The following KIF16B variants were observed in gnomAD, a reference collection of about 807,000 sequenced individuals.
KIF16B encodes the protein kinesin family member 16B.
In KIF16B, 98 loss-of-function variants were observed where a neutral mutation model predicts 156.3. The ratio of observed to expected loss-of-function variants is 0.63; its 90% CI spans 0.53 to 0.74. KIF16B has a LOEUF of 0.74. KIF16B is among the 30% of genes least tolerant of loss of function. The pLI is 0.00. For missense variants in KIF16B, 1,421 were observed against 1,606.5 expected, an observed-to-expected ratio of 0.88 and a Z score of 1.97; for synonymous variants, 564 against 583.7, an observed-to-expected ratio of 0.97 and a Z score of 0.49.
chr20:16,359,835 G>A (rs1331344893), intron 22 of KIF16B, among the ~76,000 whole-genome samples: 1 of 152,094 alleles, frequency 6.6e-6, no homozygotes, highest in Non-Finnish European at 1.5e-5. Context: ...CTGGATATAA[G>A]AGCTACTGTC....
intron 15 of KIF16B, among the ~76,000 whole-genome samples, chr20:16,409,997 G>GTACATATATATATGTACC (rs2065890384): frequency 2.7e-5 from 2 of 75,396 alleles, no homozygotes; most frequent in African/African-American, 1.3e-4. Flanking sequence ...ATATATGTAG[G>GTACATATATATATGTACC]TACATATATA....
intron 22 of KIF16B, chr20:16,369,176 C>A: frequency 1.0e-6 from 1 of 985,826 alleles, no homozygotes; most frequent in Non-Finnish European, 1.2e-6. Context: ...TGATCCACCT[C>A]CCTCCTCTCC....
At chr20:16,343,395 G>GA (rs1166690584) in intron 23 of KIF16B, among the ~76,000 whole-genome samples, 7 of 152,174 alleles carry the variant, frequency 4.6e-5, no homozygotes, top group African/African-American at 1.4e-4. Flanking sequence ...GTAAAGAGGA[G>GA]AATCAACAGT....
chr20:16,506,200 A>C lies in KIF16B; in HGVS notation c.700-10T>G. The C allele has an allele frequency of 6.2e-7, 1 of 1,613,352 alleles. No homozygotes were observed. Among genetic ancestry groups the C allele is most frequent in the Non-Finnish European group, 8.5e-7 (1 of 1,179,304 alleles). On this transcript the variant is annotated splice_polypyrimidine_tract_variant and intron_variant, in intron 7 of 25. Coordinates refer to ENST00000354981, the MANE Select transcript of KIF16B (RefSeq NM_024704.5). ...CAGAATCAAATTTAGCCTGTGGTAA[A>C]ATAAAAAAGTAAAATTGAAGAGGTG...
At chr20:16,478,933 C>T (rs2067897429) in intron 12 of KIF16B, among the ~76,000 whole-genome samples, 1 of 152,134 alleles carries the variant, frequency 6.6e-6, no homozygotes, top group Admixed American at 6.5e-5. Flanking sequence ...ACTCAATAAC[C>T]CAGCAATTCT....
chr20:16,327,525 A>C (rs983585969), intron 24 of KIF16B, among the ~76,000 whole-genome samples: 1 of 152,120 alleles, frequency 6.6e-6, no homozygotes. Context: ...GGTCCAGAGA[A>C]CATCCTATGG....
In KIF16B at chr20:16,417,929, G is replaced by A. The variant is rs527570552; in HGVS notation, c.1612+9175C>T. Among the ~76,000 whole-genome samples, 20 of 152,064 alleles carry A rather than the reference G, an allele frequency of 1.3e-4. 1 individual carries two copies. Among genetic ancestry groups the A allele is most frequent in the Non-Finnish European group, 2.2e-4 (15 of 67,990 alleles). Reference sequence around the variant, plus strand: ...ATCTAACTTTTGTGTAATTGTAGTCGCAGAAGGAGAGGGGAAAGAGTATAG... The same window carrying A: ...ATCTAACTTTTGTGTAATTGTAGTCACAGAAGGAGAGGGGAAAGAGTATAG... On this transcript the variant is annotated intron_variant, in intron 15 of 25. Coordinates refer to ENST00000354981, the MANE Select transcript of KIF16B (RefSeq NM_024704.5).
chr20:16,568,777 G>A (rs1299316768), intron 1 of KIF16B, among the ~76,000 whole-genome samples: 3 of 130,828 alleles, frequency 2.3e-5, no homozygotes, highest in Non-Finnish European at 4.6e-5. Flanking sequence ...ACGACTCTGC[G>A]CCACTGCACT....
At chr20:16,517,124 C>T (rs911825077) in intron 3 of KIF16B, among the ~76,000 whole-genome samples, 117 of 152,342 alleles carry the variant, frequency 7.7e-4, no homozygotes, top group African/African-American at 2.7e-3. Context: ...GCTGATAACA[C>T]AGCCTGTCAT....
Position 16,404,833 on chromosome 20 carries a change from T to G in KIF16B, c.1764A>C (p.Ala588=), listed in dbSNP as rs1176541363. Residue 588 remains alanine, a synonymous_variant, in exon 17 of 26, where the codon GCA becomes GCC. Coordinates refer to ENST00000354981, the MANE Select transcript of KIF16B (RefSeq NM_024704.5). ...CTCACCCGGGGTTATACAACATGAC[T>G]GCAGACAGGTTCTCACGGGACTTCG... The part of the protein sequence containing the change: ...DLSKSRENLS[A]VMLYNPGLEF... 1 of 1,613,232 alleles carries G rather than the reference T, an allele frequency of 6.2e-7. No individual in the cohort carries two copies. Among genetic ancestry groups the G allele is most frequent in the South Asian group, 1.1e-5 (1 of 91,042 alleles).
At chr20:16,360,311 T>A (rs533956449) in intron 22 of KIF16B, among the ~76,000 whole-genome samples, 1 of 152,322 alleles carries the variant, frequency 6.6e-6, no homozygotes, top group South Asian at 2.1e-4. Flanking sequence ...ATATTTTGAG[T>A]ATGTTGAGGT....
chr20:16,524,554 AG>A (rs2069468038), intron 3 of KIF16B, among the ~76,000 whole-genome samples: 1 of 152,220 alleles, frequency 6.6e-6, no homozygotes, highest in African/African-American at 2.4e-5. Flanking sequence ...GTGGAGAAAT[AG>A]GAACGCTTTT....
chr20:16,282,193 G>C (rs1375425341), intron 25 of KIF16B, among the ~76,000 whole-genome samples: 2 of 151,890 alleles, frequency 1.3e-5, no homozygotes, highest in Admixed American at 6.6e-5. Context: ...CACCATGCCT[G>C]GCTAATTTTT....
intron 24 of KIF16B, among the ~76,000 whole-genome samples, chr20:16,328,776 G>A (rs767240020): frequency 6.6e-6 from 1 of 152,144 alleles, no homozygotes; most frequent in Non-Finnish European, 1.5e-5. Flanking sequence ...CTGAGGTCTT[G>A]TTCTCCACAG....
intron 1 of KIF16B, among the ~76,000 whole-genome samples, chr20:16,554,428 C>G (rs998931102): frequency 6.6e-6 from 1 of 152,220 alleles, no homozygotes; most frequent in Admixed American, 6.5e-5. Context: ...GGTCTCCTCT[C>G]TGCTGAGCGC....
chr20:16,483,224 T>C (rs539350065), intron 12 of KIF16B, among the ~76,000 whole-genome samples: 271 of 152,268 alleles, frequency 1.8e-3, no homozygotes, highest in Admixed American at 4.6e-3. Context: ...CCAAGGAGAA[T>C]CCTGGTGAGC....
chr20:16,553,190 T>C (rs1176892356), intron 1 of KIF16B, among the ~76,000 whole-genome samples: 1 of 152,194 alleles, frequency 6.6e-6, no homozygotes, highest in Non-Finnish European at 1.5e-5. Context: ...GGGGTCTCTG[T>C]ACGCTTTCTG....
At chr20:16,277,598 CCT>C in intron 25 of KIF16B, among the ~76,000 whole-genome samples, 1 of 152,030 alleles carries the variant, frequency 6.6e-6, no homozygotes, top group African/African-American at 2.4e-5. Context: ...TTAAAATCCC[CCT>C]GTCAAAGCTA....
intron 1 of KIF16B, among the ~76,000 whole-genome samples, chr20:16,548,475 C>G (rs529642719): frequency 6.6e-6 from 1 of 152,202 alleles, no homozygotes; most frequent in Non-Finnish European, 1.5e-5. Context: ...GGCAGGCAAG[C>G]GAGCATTACT....
Sources: allele counts gnomAD v4.1 joint callset (sites outside exome capture counted in the v4.1 genomes callset), GRCh38; gene constraint gnomAD v4.1.1; transcripts MANE v1.5; gene names NCBI Gene and HGNC (gene_info 2026-07-23, HGNC 2026-07-21).